PTPRG: variants seen among roughly 807,000 people sequenced by gnomAD.
The protein encoded by PTPRG is receptor-type tyrosine-protein phosphatase gamma.
PTPRG carries 102 observed loss-of-function variants against 165.3 expected under a neutral mutation model. The ratio of observed to expected loss-of-function variants is 0.62; its 90% CI spans 0.53 to 0.73. The LOEUF is 0.73. Ranked by LOEUF, PTPRG falls within the 30% of genes least tolerant of loss-of-function variation. The pLI is 0.00. For missense variants in PTPRG, 1,866 were observed against 1,861.4 expected, an observed-to-expected ratio of 1.00 and a Z score of -0.05; for synonymous variants, 675 against 669.5, an observed-to-expected ratio of 1.01 and a Z score of -0.13.
chr3:62,165,163 A>T (rs540768340), intron 7 of PTPRG, among the ~76,000 whole-genome samples: 1 of 152,230 alleles, frequency 6.6e-6, no homozygotes, highest in East Asian at 1.9e-4. Context: ...ATTACTCCTT[A>T]CTCACCTTTT....
intron 2 of PTPRG, among the ~76,000 whole-genome samples, chr3:61,926,881 T>C (rs1380142511): frequency 6.6e-6 from 1 of 151,452 alleles, no homozygotes; most frequent in Non-Finnish European, 1.5e-5. Flanking sequence ...GTTAGGAGGT[T>C]GAAATTAAAA....
chr3:62,235,488 T>TCTC (rs1028578175), intron 14 of PTPRG, among the ~76,000 whole-genome samples: 14 of 152,146 alleles, frequency 9.2e-5, no homozygotes, highest in African/African-American at 3.1e-4. Flanking sequence ...TTCTCTCCTA[T>TCTC]CTCCTGGAAA....
chr3:61,733,039 G>A (rs56119137), intron 1 of PTPRG, among the ~76,000 whole-genome samples: 4,134 of 152,230 alleles, frequency 0.027, 181 homozygotes, highest in African/African-American at 0.094. Context: ...GGTTTTTACA[G>A]TGTGAAATCT....
At chr3:61,969,582 A>T (rs1189892537) in intron 2 of PTPRG, among the ~76,000 whole-genome samples, 1 of 152,142 alleles carries the variant, frequency 6.6e-6, no homozygotes, top group Admixed American at 6.5e-5. Context: ...CCAGGAGTAA[A>T]GTGAGGAGGT....
intron 13 of PTPRG, among the ~76,000 whole-genome samples, chr3:62,223,974 A>C (rs1700706801): frequency 6.6e-6 from 1 of 152,208 alleles, no homozygotes; most frequent in African/African-American, 2.4e-5. Flanking sequence ...AGAAATAGAT[A>C]AAACTCATCT....
At chr3:61,849,201 CCA>C (rs2036890846) in intron 2 of PTPRG, among the ~76,000 whole-genome samples, 1 of 152,140 alleles carries the variant, frequency 6.6e-6, no homozygotes, top group South Asian at 2.1e-4. Context: ...GAACAGGAAA[CCA>C]CAGTTTCTCC....
At chr3:61,836,692 T>C (rs1312233100) in intron 2 of PTPRG, among the ~76,000 whole-genome samples, 1 of 152,076 alleles carries the variant, frequency 6.6e-6, no homozygotes, top group African/African-American at 2.4e-5. Flanking sequence ...AGTTTGTAAA[T>C]GGGTGAAGTT....
rs17671967 is a variant in PTPRG at position 61,728,637 on chromosome 3, C to T, written c.86-20241C>T. ...TTAAAAATGGTGTCTAGCACACACA[C>T]AGTAAGTTTTCAATTAAGATGATCT... On this transcript the variant is annotated intron_variant, in intron 1 of 29. Transcript: ENST00000474889. Among the ~76,000 whole-genome samples the T allele has an allele frequency of 8.7e-3, 1,316 of 152,076 alleles. 13 individuals are homozygous for T. The highest frequency in any genetic ancestry group is 0.016 in the Non-Finnish European group (1,060 of 67,996).
At chr3:61,607,946 G>A (rs1701058902) in intron 1 of PTPRG, among the ~76,000 whole-genome samples, 1 of 152,106 alleles carries the variant, frequency 6.6e-6, no homozygotes, top group Non-Finnish European at 1.5e-5. Flanking sequence ...AGCATTGTTA[G>A]ATCATTCTAA....
chr3:61,938,181 G>C (rs2039524859), intron 2 of PTPRG, among the ~76,000 whole-genome samples: 1 of 148,544 alleles, frequency 6.7e-6, no homozygotes. Flanking sequence ...TTTTATCAAA[G>C]CTTTAACATG....
intron 4 of PTPRG, among the ~76,000 whole-genome samples, chr3:62,027,200 T>C (rs938291812): frequency 1.2e-4 from 18 of 152,172 alleles, no homozygotes; most frequent in African/African-American, 4.1e-4. Flanking sequence ...TTTCTGCAAA[T>C]GATTTAAAAA....
At chr3:62,088,595 T>A (rs529093647) in intron 5 of PTPRG, among the ~76,000 whole-genome samples, 3 of 152,342 alleles carry the variant, frequency 2.0e-5, no homozygotes, top group African/African-American at 7.2e-5. Flanking sequence ...ACATGGGTAT[T>A]TGTTTGCAGA....
At position 61,992,479 on chromosome 3, in the gene PTPRG, C is replaced by T. The variant is rs529216116; in HGVS notation, c.370+2675C>T. 1.1e-4 allele frequency among the ~76,000 whole-genome samples: 16 copies of T among 152,250 alleles called. No homozygotes were observed. The East Asian group carries it at 2.9e-3, about 28-fold the overall frequency. On this transcript the variant is annotated intron_variant, in intron 3 of 29. Coordinates refer to ENST00000474889, the MANE Select transcript of PTPRG (RefSeq NM_002841.4). The stretch of plus-strand genomic sequence containing the variant: ...GGTTCAAGCAGTTTCCGTGCCTCAT[C>T]GGCCTGAGTAACTGGGATTACAGAC...
intron 2 of PTPRG, among the ~76,000 whole-genome samples, chr3:61,777,036 T>A (rs1460416548): frequency 2.0e-5 from 3 of 152,310 alleles, no homozygotes; most frequent in African/African-American, 7.2e-5. Context: ...TTCCTGGGCC[T>A]AGATCAGTAC....
intron 10 of PTPRG, among the ~76,000 whole-genome samples, chr3:62,201,018 G>A (rs1188323680): frequency 1.3e-5 from 2 of 152,188 alleles, no homozygotes; most frequent in East Asian, 3.8e-4. Flanking sequence ...AAAACTGACA[G>A]AGTCCAAATA....
chr3:61,606,703 G>C (rs952099354), intron 1 of PTPRG, among the ~76,000 whole-genome samples: 3 of 152,206 alleles, frequency 2.0e-5, no homozygotes, highest in Non-Finnish European at 4.4e-5. Flanking sequence ...CCTCCAGAGG[G>C]GAGGAACACT....
chr3:62,258,831 G>T (rs770782069), intron 16 of PTPRG, among the ~76,000 whole-genome samples: 44 of 152,134 alleles, frequency 2.9e-4, no homozygotes, highest in Non-Finnish European at 5.6e-4. Flanking sequence ...TCCTTCCCAG[G>T]GAGTAGTTTC....
At chr3:62,066,357 G>A (rs1458650509) in intron 4 of PTPRG, among the ~76,000 whole-genome samples, 9 of 152,134 alleles carry the variant, frequency 5.9e-5, no homozygotes, top group African/African-American at 2.2e-4. Flanking sequence ...CCTTTTATTT[G>A]TGGCTGAGTG....
At chr3:61,832,938 T>A (rs372364955) in intron 2 of PTPRG, among the ~76,000 whole-genome samples, 2 of 152,220 alleles carry the variant, frequency 1.3e-5, no homozygotes, top group Non-Finnish European at 2.9e-5. Context: ...CTCCCACTTA[T>A]GAGTGAAAAC....
Sources: gnomAD v4.1 joint callset for allele counts (sites outside exome capture counted in the v4.1 genomes callset) on GRCh38, gnomAD v4.1.1 for gene constraint, MANE v1.5 for transcripts, NCBI Gene and HGNC (gene_info 2026-07-23, HGNC 2026-07-21) for gene names.